The following DPP3 variants were observed in gnomAD, a reference collection of about 807,000 sequenced individuals.
DPP3 encodes the protein dipeptidyl peptidase 3.
DPP3 carries 64 observed loss-of-function variants against 89.8 expected under a neutral mutation model. That is an observed-to-expected ratio of 0.71 (90% CI 0.58 to 0.88). DPP3 has a LOEUF of 0.88. Among genes scored for constraint, DPP3 ranks in the 40% least tolerant of loss-of-function variants. DPP3 has a pLI of 0.00. For missense variants in DPP3, 835 were observed against 972.5 expected (o/e 0.86, Z 1.88); for synonymous variants, 377 against 404.3 (o/e 0.93, Z 0.81).
rs1855882892 is a variant in DPP3 at position 66,509,217 on chromosome 11, A to C, written c.2180A>C (p.Lys727Thr). The change falls in exon 18 of 18, where the codon AAG (lysine) becomes ACG (threonine). Residue 727 changes from lysine (K) to threonine (T), a missense_variant. Transcript: ENST00000531863. ...QLATADARFW[K>T]GPSEAPSGQA is the part of the protein sequence containing the mutation. ...GCCACAGCCGATGCCCGATTCTGGA[A>C]GGGCCCCAGTGAGGCCCCATCTGGC... 1 of 1,613,592 alleles carries C rather than the reference A, an allele frequency of 6.2e-7. No homozygotes were observed. The highest frequency in any genetic ancestry group is 1.3e-5 in the African/African-American group (1 of 74,928).
chr11:66,493,264 A>G (rs1237999248), intron 11 of DPP3, 85 bp downstream of exon 11: 2 of 1,204,318 alleles, frequency 1.7e-6, no homozygotes, highest in African/African-American at 1.5e-5. Context: ...AGCAGTAGAG[A>G]GGAAAGCACA....
rs1855459448 is a variant in DPP3 at position 66,493,761 on chromosome 11, C to T, written c.1389+128C>T. On this transcript the variant is annotated intron_variant, in intron 12 of 17. Transcript: ENST00000531863. ...CTATGGGTTGAGTGGGGAAAATGGC[C>T]CCTTAGGCAGAGAAGACCCTGTCTT... is the stretch of plus-strand genomic sequence containing the variant. 5.1e-6 allele frequency: 5 copies of T among 971,570 alleles called. No individual in the cohort carries two copies. The South Asian group carries it at 6.6e-5, about 13-fold the overall frequency. 60.2% of individuals were successfully genotyped at this position (971,570 alleles called of 1,614,324 possible).
chr11:66,490,758 G>GT (rs984901930), intron 6 of DPP3, among the ~76,000 whole-genome samples: 17 of 142,042 alleles, frequency 1.2e-4, no homozygotes, highest in South Asian at 4.5e-4. Flanking sequence ...GTTTTGTTTT[G>GT]TTTTTTTTGT....
chr11:66,502,744 G>T (rs1193368242), intron 16 of DPP3, among the ~76,000 whole-genome samples: 1 of 150,834 alleles, frequency 6.6e-6, no homozygotes, highest in Non-Finnish European at 1.5e-5. Context: ...GATTACAGGC[G>T]TGAGACACCA....
In DPP3 at chr11:66,491,555, A is replaced by G; in HGVS notation, c.860A>G (p.Gln287Arg). ...GCCCAGTATATAGAGAGCTTCACCC[A>G]GGGCTCCATCGAGGCCCACAAGAGG... is the stretch of plus-strand genomic sequence containing the variant. The part of the protein sequence containing the change: ...MLAQYIESFT[Q>R]GSIEAHKRGS... Residue 287 changes from glutamine (Q) to arginine (R), a missense_variant, in exon 8 of 18, where the codon CAG becomes CGG. Physicochemically the swap from Gln to Arg is conservative, Grantham distance 43 (BLOSUM62 1). Coordinates refer to ENST00000531863, the MANE Select transcript of DPP3 (RefSeq NM_130443.4). The G allele has an allele frequency of 6.2e-7, 1 of 1,613,820 alleles. No homozygotes were observed. The highest frequency in any genetic ancestry group is 8.5e-7 in the Non-Finnish European group (1 of 1,179,884).
intron 17 of DPP3, among the ~76,000 whole-genome samples, chr11:66,508,307 CCA>C (rs1855854165): frequency 6.6e-6 from 1 of 152,112 alleles, no homozygotes; most frequent in South Asian, 2.1e-4. Flanking sequence ...GATAATGATG[CCA>C]TGGTGGCTAG....
At chr11:66,493,402 G>T in intron 11 of DPP3, 139 bp from the exon 12 acceptor site, 1 of 903,194 alleles carries the variant, frequency 1.1e-6, no homozygotes. Context: ...AGGATGAAAT[G>T]GGCTGTGGGG....
At chr11:66,499,090 C>T (rs953515253) in intron 16 of DPP3, among the ~76,000 whole-genome samples, 40 of 152,178 alleles carry the variant, frequency 2.6e-4, no homozygotes, top group African/African-American at 7.9e-4. Context: ...GTGCTGGGCG[C>T]GGTGGCTCAC....
chr11:66,487,969 C>T lies in DPP3; in HGVS notation c.629C>T (p.Pro210Leu), dbSNP rs200798950. The change falls in exon 6 of 18, where the codon CCC becomes CTC. Residue 210 changes from proline (P) to leucine (L), a missense_variant. Transcript: ENST00000531863. ...AAAGAGGTCGATGGAGAAGGGAAGC[C>T]CTACTACGAGGTGCGGCTGGCTTCT... is the stretch of plus-strand genomic sequence containing the variant. Reference protein sequence around the residue: ...LFKEVDGEGKPYYEVRLASVL... With the variant: ...LFKEVDGEGKLYYEVRLASVL... The T allele has an allele frequency of 3.2e-5, 51 of 1,613,982 alleles. No homozygotes were observed. The highest frequency in any genetic ancestry group is 1.6e-4 in the Middle Eastern group (1 of 6,080).
At chr11:66,501,256 A>C (rs1855669788) in intron 16 of DPP3, among the ~76,000 whole-genome samples, 1 of 151,762 alleles carries the variant, frequency 6.6e-6, no homozygotes, top group Non-Finnish European at 1.5e-5. Flanking sequence ...GCTACTCGGG[A>C]AGCTGAGACA....
intron 12 of DPP3, 74 bp from the exon 13 acceptor site, chr11:66,495,132 G>A (rs1855496063): frequency 1.2e-6 from 2 of 1,609,846 alleles, no homozygotes; most frequent in Admixed American, 1.7e-5. Flanking sequence ...CCACTTTCCG[G>A]CCTGTGGATT....
chr11:66,483,875 C>T (rs1184498854), intron 2 of DPP3, among the ~76,000 whole-genome samples: 3 of 152,308 alleles, frequency 2.0e-5, no homozygotes, highest in Non-Finnish European at 4.4e-5. Flanking sequence ...TGGGCATTCA[C>T]TTCCCATCTT....
intron 6 of DPP3, among the ~76,000 whole-genome samples, chr11:66,489,385 G>T (rs557775633): frequency 1.2e-4 from 19 of 152,238 alleles, no homozygotes; most frequent in African/African-American, 4.3e-4. Flanking sequence ...CGAGAGGAGG[G>T]CCTGTGTGTT....
At chr11:66,487,793 C>A (rs1048140373) in intron 5 of DPP3, 121 bp from the exon 6 acceptor site, 2 of 859,466 alleles carry the variant, frequency 2.3e-6, no homozygotes, top group Non-Finnish European at 3.6e-6. Context: ...CCCAGCCAAC[C>A]CAGAAGGCCC....
At chr11:66,486,698 G>A in intron 4 of DPP3, 21 bp downstream of exon 4, 8 of 1,486,182 alleles carry the variant, frequency 5.4e-6, no homozygotes, top group East Asian at 2.5e-5. Flanking sequence ...TGACTCCCCC[G>A]AGGGGACAGG....
Position 66,482,436 on chromosome 11 carries a change from C to T in DPP3, c.236C>T (p.Ala79Val). ...AQDPDQLRQH[A>V]LAEGLTEEEY... ...GACCCCGACCAGCTGCGCCAACATG[C>T]CCTGGCTGAAGGCCTTACCGAGGAG... The change falls in exon 2 of 18, where the codon GCC becomes GTC. Residue 79 changes from alanine (A) to valine (V), a missense_variant. Physicochemically the swap from Ala to Val is moderately conservative, Grantham distance 64. Transcript: ENST00000531863. The T allele has an allele frequency of 6.2e-7, 1 of 1,608,294 alleles. No individual in the cohort carries two copies. Among genetic ancestry groups the T allele is most frequent in the African/African-American group, 1.3e-5 (1 of 75,062 alleles).
At chr11:66,501,074 G>C (rs1477773809) in intron 16 of DPP3, among the ~76,000 whole-genome samples, 1 of 152,092 alleles carries the variant, frequency 6.6e-6, no homozygotes, top group Non-Finnish European at 1.5e-5. Flanking sequence ...TGTAGTCCCA[G>C]CTACTCAGGA....
At chr11:66,497,575 T>A (rs551557123) in intron 16 of DPP3, 98 bp downstream of exon 16, 6 of 1,455,244 alleles carry the variant, frequency 4.1e-6, no homozygotes, top group Non-Finnish European at 4.6e-6. Context: ...CAGTTTCTTA[T>A]GCTGCAGTGA....
intron 15 of DPP3, among the ~76,000 whole-genome samples, chr11:66,496,646 C>A (rs1016517597): frequency 2.0e-5 from 3 of 152,074 alleles, no homozygotes; most frequent in Non-Finnish European, 4.4e-5. Flanking sequence ...GATCTCCTGA[C>A]CTTGTGATCC....
Sources: allele counts gnomAD v4.1 joint callset (sites outside exome capture counted in the v4.1 genomes callset), GRCh38; gene constraint gnomAD v4.1.1; transcripts MANE v1.5; gene names NCBI Gene and HGNC (gene_info 2026-07-23, HGNC 2026-07-21).